NUGGC: variants seen among roughly 807,000 people sequenced by gnomAD.
NUGGC encodes the protein nuclear GTPase SLIP-GC.
A neutral mutation model predicts 92.6 loss-of-function variants in NUGGC; 58 were observed. The observed-to-expected ratio is 0.63, with a 90% CI of 0.51 to 0.78. NUGGC has a LOEUF of 0.78. Ranked by LOEUF, NUGGC falls within the 30% of genes least tolerant of loss-of-function variation. The pLI is 0.00. For synonymous variants in NUGGC, 376 were observed against 366.4 expected (o/e 1.03, Z -0.30); for missense variants, 925 against 964.6 (o/e 0.96, Z 0.54).
chr8:28,048,808 A>T (rs1358035399), intron 10 of NUGGC, among the ~76,000 whole-genome samples: 1 of 150,456 alleles, frequency 6.6e-6, no homozygotes, highest in Non-Finnish European at 1.5e-5. Flanking sequence ...GGTTGCAATG[A>T]GCCAAGATCA....
chr8:28,042,665 T>G (rs1320333565), intron 12 of NUGGC, among the ~76,000 whole-genome samples: 1 of 152,212 alleles, frequency 6.6e-6, no homozygotes, highest in Non-Finnish European at 1.5e-5. Context: ...CTGTGTCTTC[T>G]TCCCTGGATA....
intron 1 of NUGGC, among the ~76,000 whole-genome samples, chr8:28,080,711 A>G (rs1810829850): frequency 6.6e-6 from 1 of 152,168 alleles, no homozygotes; most frequent in Non-Finnish European, 1.5e-5. Flanking sequence ...AATAGCAGAA[A>G]TTATATTTAC....
chr8:28,026,638 C>T, intron 18 of NUGGC, among the ~76,000 whole-genome samples: 1 of 152,188 alleles, frequency 6.6e-6, no homozygotes, highest in East Asian at 1.9e-4. Flanking sequence ...TCTGCATCTG[C>T]AAAATGGAGC....
intron 11 of NUGGC, among the ~76,000 whole-genome samples, chr8:28,046,820 AC>A (rs1031100487): frequency 1.3e-5 from 2 of 151,090 alleles, no homozygotes; most frequent in African/African-American, 4.9e-5. Flanking sequence ...AGCTGGCACC[AC>A]CACGTCCGGC....
intron 12 of NUGGC, among the ~76,000 whole-genome samples, chr8:28,042,522 C>T (rs1275242371): frequency 2.0e-5 from 3 of 152,222 alleles, no homozygotes; most frequent in Admixed American, 6.5e-5. Context: ...CTCAAAGGTC[C>T]TTCCCATGAG....
At chr8:28,066,613 G>A (rs1810446331) in intron 6 of NUGGC, among the ~76,000 whole-genome samples, 1 of 152,134 alleles carries the variant, frequency 6.6e-6, no homozygotes, top group Non-Finnish European at 1.5e-5. Flanking sequence ...TGTATTTAAA[G>A]GTGAGAGATA....
At chr8:28,027,821 A>T (rs2130066155) in intron 17 of NUGGC, among the ~76,000 whole-genome samples, 1 of 152,324 alleles carries the variant, frequency 6.6e-6, no homozygotes, top group African/African-American at 2.4e-5. Flanking sequence ...CTCCTAAACC[A>T]CAAGAAGGAG....
intron 6 of NUGGC, 80 bp from the exon 7 acceptor site, chr8:28,064,811 T>C: frequency 3.3e-6 from 4 of 1,195,752 alleles, no homozygotes; most frequent in Non-Finnish European, 4.9e-6. Context: ...TGCAGGTTCA[T>C]GGTAAGTATG....
chr8:28,035,376 G>T (rs999044482), intron 13 of NUGGC, among the ~76,000 whole-genome samples: 3 of 152,180 alleles, frequency 2.0e-5, no homozygotes, highest in African/African-American at 7.2e-5. Context: ...GGATGGCTGG[G>T]CTGGCCACTC....
chr8:28,081,305 C>G (rs529061931), intron 1 of NUGGC, among the ~76,000 whole-genome samples: 1 of 150,898 alleles, frequency 6.6e-6, no homozygotes, highest in Admixed American at 6.6e-5. Context: ...GGCAACAGAG[C>G]GAGACTCCAC....
chr8:28,045,341 T>A (rs902106888), intron 12 of NUGGC, among the ~76,000 whole-genome samples, 186 bp downstream of exon 12: 3 of 152,244 alleles, frequency 2.0e-5, no homozygotes, highest in Non-Finnish European at 2.9e-5. Context: ...TATTACTCCT[T>A]TCTCTTTTAC....
At chr8:28,081,422 T>C (rs994509996) in intron 1 of NUGGC, among the ~76,000 whole-genome samples, 6 of 152,244 alleles carry the variant, frequency 3.9e-5, no homozygotes, top group Admixed American at 3.9e-4. Flanking sequence ...TGTTATTTTT[T>C]GAATATTTTA....
intron 13 of NUGGC, among the ~76,000 whole-genome samples, chr8:28,037,441 C>T (rs1809583798): frequency 6.6e-6 from 1 of 152,194 alleles, no homozygotes; most frequent in Non-Finnish European, 1.5e-5. Context: ...CAAAGACACA[C>T]CACCAGCCTC....
intron 6 of NUGGC, 97 bp downstream of exon 6, chr8:28,067,417 C>A: frequency 1.3e-6 from 1 of 769,562 alleles, no homozygotes; most frequent in Non-Finnish European, 2.2e-6. Flanking sequence ...TCTTATTTCA[C>A]ACAAACACTG....
intron 1 of NUGGC, among the ~76,000 whole-genome samples, chr8:28,076,895 T>C (rs1810736163): frequency 6.6e-6 from 1 of 152,188 alleles, no homozygotes; most frequent in Admixed American, 6.5e-5. Context: ...CAAGAAAGCA[T>C]TTTGGTTTAA....
intron 2 of NUGGC, 114 bp from the exon 3 acceptor site, chr8:28,070,470 C>T (rs1355564259): frequency 1.2e-5 from 7 of 597,284 alleles, no homozygotes; most frequent in Admixed American, 8.8e-5. Context: ...GGTGCAGTGG[C>T]TCATGTCTGT....
intron 18 of NUGGC, among the ~76,000 whole-genome samples, chr8:28,025,019 C>T (rs893327565): frequency 6.6e-6 from 1 of 152,168 alleles, no homozygotes; most frequent in Non-Finnish European, 1.5e-5. Flanking sequence ...TTCTGTGTTT[C>T]GCTTCCCTGC....
At chr8:28,034,241 TG>T (rs1563215536) in intron 13 of NUGGC, among the ~76,000 whole-genome samples, 2 of 152,248 alleles carry the variant, frequency 1.3e-5, no homozygotes, top group African/African-American at 4.8e-5. Flanking sequence ...GTCTTGGCGA[TG>T]TTTTTTTCCC....
Position 28,068,263 on chromosome 8 carries a change from C to T in NUGGC, c.433G>A (p.Gly145Ser), listed in dbSNP as rs748825782. The change falls in exon 5 of 19, where the codon GGC (glycine) becomes AGC (serine). Residue 145 changes from glycine (G) to serine (S), a missense_variant. Physicochemically the swap from Gly to Ser is moderately conservative, Grantham distance 56. Transcript: ENST00000413272. The stretch of plus-strand genomic sequence containing the variant: ...TTGGCCTCATACTGCACACAGCAGC[C>T]AGAGCTCACTTGTACAATGCAGGAA... ...CTSCIVQVSS[G>S]CCVQYEAKIH... The T allele has an allele frequency of 1.3e-6, 2 of 1,550,634 alleles. No homozygotes were observed. Among genetic ancestry groups the T allele is most frequent in the Admixed American group, 3.9e-5 (2 of 51,008 alleles).
Sources: gnomAD v4.1 joint callset for allele counts (sites outside exome capture counted in the v4.1 genomes callset) on GRCh38, gnomAD v4.1.1 for gene constraint, MANE v1.5 for transcripts, NCBI Gene and HGNC (gene_info 2026-07-23, HGNC 2026-07-21) for gene names.